Variants in C12orf42 observed in about 807,000 individuals in gnomAD.
C12orf42 encodes chromosome 12 open reading frame 42.
In C12orf42, 25 loss-of-function variants were observed where a neutral mutation model predicts 21.6. The ratio of observed to expected loss-of-function variants is 1.16; its 90% confidence interval spans 0.84 to 1.62. The LOEUF (loss-of-function observed/expected upper bound fraction) is 1.62, where lower values mean the gene tolerates loss of function less well. Among genes scored for constraint, C12orf42 ranks in the 40% most tolerant of loss-of-function variants. C12orf42 has a pLI of 0.00. For missense variants in C12orf42, 483 were observed against 459.3 expected (o/e 1.05, Z -0.47); for synonymous variants, 174 against 175.0 (o/e 0.99, Z 0.05).
At chr12:103,405,472 T>C (rs1478184702) in intron 2 of C12orf42, among the ~76,000 whole-genome samples, 1 of 152,210 alleles carries the variant, frequency 6.6e-6, no homozygotes, top group East Asian at 1.9e-4. Context: ...CCCAAAGGTC[T>C]GAGCAAAGGG....
At chr12:103,320,114 G>A (rs2039942017) in intron 4 of C12orf42, among the ~76,000 whole-genome samples, 1 of 152,028 alleles carries the variant, frequency 6.6e-6, no homozygotes, top group Non-Finnish European at 1.5e-5. Flanking sequence ...AATGTATTAG[G>A]CTGACAGGTG....
chr12:103,048,846 GC>G, the C12orf42 span, among the ~76,000 whole-genome samples: 63 of 152,112 alleles, frequency 4.1e-4, 1 homozygote, highest in Admixed American at 4.1e-3. Context: ...CTCACAAGAA[GC>G]CCAGAAATCT....
At chr12:103,378,971 A>G (rs1049969789) in intron 3 of C12orf42, among the ~76,000 whole-genome samples, 1 of 152,158 alleles carries the variant, frequency 6.6e-6, no homozygotes, top group Non-Finnish European at 1.5e-5. Context: ...AAAAAAATTA[A>G]ACAGTGAATG....
At chr12:103,102,102 T>C in the C12orf42 span, among the ~76,000 whole-genome samples, 1 of 152,088 alleles carries the variant, frequency 6.6e-6, no homozygotes, top group African/African-American at 2.4e-5. Context: ...GAGGAGTGAA[T>C]GGGTTTCCAC....
chr12:103,318,895 A>AAG (rs1429305428), intron 4 of C12orf42, among the ~76,000 whole-genome samples: 2 of 152,240 alleles, frequency 1.3e-5, no homozygotes, highest in Non-Finnish European at 1.5e-5. Flanking sequence ...CTGGTGAAGC[A>AAG]GTATTTTGCA....
At chr12:103,465,558 G>T (rs576011155) in intron 2 of C12orf42, among the ~76,000 whole-genome samples, 1 of 152,140 alleles carries the variant, frequency 6.6e-6, no homozygotes, top group South Asian at 2.1e-4. Flanking sequence ...GAGACAGTTT[G>T]ACTTCCTCTT....
At chr12:103,062,330 T>C in the C12orf42 span, among the ~76,000 whole-genome samples, 1 of 151,800 alleles carries the variant, frequency 6.6e-6, no homozygotes, top group African/African-American at 2.4e-5. Context: ...TTTTGCTTTC[T>C]GGTGATAAAT....
chr12:103,367,937 T>G (rs1400073673), intron 4 of C12orf42: 2 of 622,130 alleles, frequency 3.2e-6, no homozygotes, highest in Non-Finnish European at 4.8e-6. Flanking sequence ...ATGAATTTTA[T>G]TAGCATATAA....
intron 4 of C12orf42, among the ~76,000 whole-genome samples, chr12:103,345,913 C>A (rs576750288): frequency 3.2e-4 from 49 of 152,216 alleles, no homozygotes; most frequent in African/African-American, 1.1e-3. Context: ...TAACTATGTA[C>A]ATGGGGCTAT....
At chr12:103,053,168 T>C in the C12orf42 span, among the ~76,000 whole-genome samples, 4 of 151,968 alleles carry the variant, frequency 2.6e-5, no homozygotes, top group African/African-American at 9.7e-5. Flanking sequence ...TTATATTTAA[T>C]TTTATTTTAA....
At chr12:103,434,324 G>C (rs1169726545) in intron 2 of C12orf42, among the ~76,000 whole-genome samples, 1 of 152,136 alleles carries the variant, frequency 6.6e-6, no homozygotes, top group African/African-American at 2.4e-5. Flanking sequence ...CTTGATGACG[G>C]AGCTGCACTC....
chr12:103,301,295 T>C (rs137929205), downstream of C12orf42, among the ~76,000 whole-genome samples: 4 of 152,320 alleles, frequency 2.6e-5, no homozygotes, highest in East Asian at 5.8e-4. Flanking sequence ...ACTGCATGTA[T>C]GCATATCGGT....
rs114448589 is a variant in C12orf42, at chr12:103,453,591, C to G, written c.78+24758G>C. Among the ~76,000 whole-genome samples the G allele has an allele frequency of 5.4e-3, 814 of 152,106 alleles. 12 individuals carry two copies. The highest frequency in any genetic ancestry group is 0.019 in the African/African-American group (786 of 41,518). On this transcript the variant is annotated intron_variant, in intron 2 of 5. Coordinates refer to ENST00000548883, the MANE Select transcript of C12orf42 (RefSeq NM_198521.5). Reference sequence around the variant, plus strand: ...TTTCTGCTCTTATCTTTATCTCTCCCTAATAACCTTTTGCTCCTTATTTCC... The same window carrying G: ...TTTCTGCTCTTATCTTTATCTCTCCGTAATAACCTTTTGCTCCTTATTTCC...
At chr12:103,364,623 A>C (rs147160626) in intron 4 of C12orf42, among the ~76,000 whole-genome samples, 1 of 152,218 alleles carries the variant, frequency 6.6e-6, no homozygotes, top group African/African-American at 2.4e-5. Flanking sequence ...AGATCCAAAT[A>C]AGCTCAATTG....
chr12:103,069,882 G>A, the C12orf42 span, among the ~76,000 whole-genome samples: 1 of 152,122 alleles, frequency 6.6e-6, no homozygotes, highest in African/African-American at 2.4e-5. Flanking sequence ...GTCTAAATAA[G>A]GGCAGGTTTC....
chr12:103,307,346 G>A (rs2038463895), intron 4 of C12orf42, among the ~76,000 whole-genome samples: 1 of 152,154 alleles, frequency 6.6e-6, no homozygotes, highest in African/African-American at 2.4e-5. Flanking sequence ...ATATTGTAAA[G>A]AGCACAGAGA....
At chr12:103,057,987 C>T in the C12orf42 span, among the ~76,000 whole-genome samples, 5 of 148,348 alleles carry the variant, frequency 3.4e-5, no homozygotes, top group Non-Finnish European at 5.9e-5. Flanking sequence ...GACAGAGTCT[C>T]ACTCTGTTAT....
the C12orf42 span, among the ~76,000 whole-genome samples, chr12:103,507,857 A>G: frequency 6.6e-6 from 1 of 152,144 alleles, no homozygotes; most frequent in African/African-American, 2.4e-5. Flanking sequence ...GGCATGTTGA[A>G]GAACCCCAGC....
intron 2 of C12orf42, among the ~76,000 whole-genome samples, chr12:103,412,541 C>T (rs141898487): frequency 2.0e-5 from 3 of 152,276 alleles, no homozygotes; most frequent in African/African-American, 7.2e-5. Context: ...TGGTGGTGGG[C>T]ACCTCTAATC....
Sources: allele counts gnomAD v4.1 joint callset (sites outside exome capture counted in the v4.1 genomes callset), GRCh38; gene constraint gnomAD v4.1.1; transcripts MANE v1.5; gene names NCBI Gene and HGNC (gene_info 2026-07-23, HGNC 2026-07-21).